Variants in CALR3 observed in about 807,000 individuals in gnomAD.
CALR3 encodes calreticulin-3.
CALR3 carries 39 observed loss-of-function variants against 48.7 expected under a neutral mutation model. That is an observed-to-expected ratio of 0.80 (90% confidence interval 0.62 to 1.05). The LOEUF (loss-of-function observed/expected upper bound fraction) is 1.05. Among genes scored for constraint, CALR3 ranks in the 50% least tolerant of loss-of-function variants. The pLI is 0.00. For synonymous variants in CALR3, 185 were observed against 172.7 expected (o/e 1.07, Z -0.56); for missense variants, 449 against 474.7 (o/e 0.95, Z 0.50).
At chr19:16,487,459 G>A (rs1240114567) in intron 3 of CALR3, among the ~76,000 whole-genome samples, 1 of 130,482 alleles carries the variant, frequency 7.7e-6, no homozygotes, top group African/African-American at 2.9e-5. Context: ...CAGCCTGGGC[G>A]ACGAGCGAAG....
At chr19:16,492,533 C>T (rs551705784) in intron 2 of CALR3, among the ~76,000 whole-genome samples, 72 of 150,864 alleles carry the variant, frequency 4.8e-4, no homozygotes, top group Non-Finnish European at 9.7e-4. Context: ...GAGTTGGAGA[C>T]CAGCCTGACC....
In CALR3 at chr19:16,481,923, T is replaced by TTTTC. The variant is rs35650345; in HGVS notation, c.918+526_918+527insGAAA. On this transcript the variant is annotated intron_variant, in intron 7 of 8. Coordinates refer to ENST00000269881, the MANE Select transcript of CALR3 (RefSeq NM_145046.5). ...CCATCTCTTTTTTTTTTTTTTTTTT[T>TTTTC]TGAGACGGAGTCTTGCTCTGTCACC... Among the ~76,000 whole-genome samples, 35 of 126,302 alleles carry TTTTC rather than the reference T, an allele frequency of 2.8e-4. 7 individuals carry two copies. The highest frequency in any genetic ancestry group is 3.1e-4 in the Non-Finnish European group (19 of 61,382). 82.9% of individuals were successfully genotyped at this position (126,302 alleles called of 152,430 possible).
In CALR3 at chr19:16,482,688, G is replaced by T; in HGVS notation, c.776C>A (p.Pro259His). Residue 259 changes from proline (P) to histidine (H), a missense_variant, in exon 6 of 9, where the codon CCC becomes CAC. Transcript: ENST00000269881. ...GDWPAPMLQK[P>H]PYQDGLKPEG... ...AAAGAGGCCACACACCTGGTACGGG[G>T]GCTTCTGGAGCATCGGCGCTGGCCA... 6.2e-7 allele frequency: 1 copy of T among 1,614,120 alleles called. No homozygotes were observed. The highest frequency in any genetic ancestry group is 1.1e-5 in the South Asian group (1 of 91,080).
chr19:16,480,267 T>G (rs1314013269), intron 8 of CALR3, among the ~76,000 whole-genome samples: 1 of 146,060 alleles, frequency 6.8e-6, no homozygotes, highest in Non-Finnish European at 1.5e-5. Context: ...TAACCTTACA[T>G]GGGGCCAGGC....
chr19:16,490,347 G>A lies in CALR3; in HGVS notation c.397+20C>T. 6.2e-7 allele frequency: 1 copy of A among 1,610,766 alleles called. No individual in the cohort carries two copies. The highest frequency in any genetic ancestry group is 1.1e-5 in the South Asian group (1 of 91,028). On this transcript the variant is annotated intron_variant, in intron 3 of 8. Transcript: ENST00000269881. ...TTTCAAAGTCACTAGAAGTGGTTGTGTTGCACCACGTAAACTCACCAAACA... is the reference window on the plus strand; with the variant it reads ...TTTCAAAGTCACTAGAAGTGGTTGTATTGCACCACGTAAACTCACCAAACA...
chr19:16,490,345 G>GT (rs1393418251), intron 3 of CALR3, 22 bp downstream of exon 3: 3 of 1,609,120 alleles, frequency 1.9e-6, no homozygotes, highest in Non-Finnish European at 2.6e-6. Flanking sequence ...AGAAGTGGTT[G>GT]TGTTGCACCA....
intron 3 of CALR3, among the ~76,000 whole-genome samples, chr19:16,487,854 C>T (rs1248278424): frequency 1.3e-5 from 2 of 150,412 alleles, no homozygotes; most frequent in African/African-American, 2.5e-5. Flanking sequence ...CACTCTGTTG[C>T]CCAGGCTGGA....
At chr19:16,479,297 T>C (rs2093376624) in intron 8 of CALR3, 23 bp from the exon 9 acceptor site, 1 of 1,613,268 alleles carries the variant, frequency 6.2e-7, no homozygotes, top group South Asian at 1.1e-5. Flanking sequence ...AGAAAAAACA[T>C]AAGCCCCACC....
At chr19:16,492,955 T>C (rs1568487985) in intron 2 of CALR3, among the ~76,000 whole-genome samples, 2 of 151,746 alleles carry the variant, frequency 1.3e-5, no homozygotes, top group South Asian at 2.1e-4. Flanking sequence ...CATTTGAACC[T>C]GGGAGGCGGA....
intron 2 of CALR3, among the ~76,000 whole-genome samples, chr19:16,492,034 G>A (rs925984696): frequency 1.3e-5 from 2 of 151,794 alleles, no homozygotes; most frequent in Non-Finnish European, 1.5e-5. Flanking sequence ...TCACCACGTT[G>A]CCCAGGCTGG....
At chr19:16,483,610 C>T (rs1004767205) in intron 5 of CALR3, among the ~76,000 whole-genome samples, 7 of 115,464 alleles carry the variant, frequency 6.1e-5, no homozygotes, top group African/African-American at 6.8e-5. Flanking sequence ...CCCAGGTATT[C>T]GGGAGGCTGA....
chr19:16,490,622 A>G, intron 2 of CALR3, 52 bp from the exon 3 acceptor site: 5 of 1,489,216 alleles, frequency 3.4e-6, no homozygotes, highest in Non-Finnish European at 4.7e-6. Context: ...GCGCTAAGTA[A>G]CGCAGGAAGT....
At chr19:16,495,947 G>A (rs1037771798) in intron 1 of CALR3, 92 bp downstream of exon 1, 11 of 1,561,504 alleles carry the variant, frequency 7.0e-6, no homozygotes, top group South Asian at 1.1e-5. Context: ...TCGAGGGTTC[G>A]CTGCCGTGGA....
intron 5 of CALR3, chr19:16,483,657 G>C: frequency 2.8e-6 from 1 of 361,654 alleles, no homozygotes; most frequent in South Asian, 2.9e-5. Context: ...GGCGGAGGTT[G>C]CCGTGAGCTG....
At chr19:16,480,475 C>T in intron 8 of CALR3, 139 bp downstream of exon 8, 1 of 661,568 alleles carries the variant, frequency 1.5e-6, no homozygotes, top group South Asian at 1.6e-5. Flanking sequence ...TCGCTTGAAC[C>T]CGGGAGGTGG....
At chr19:16,482,424 CTAAAG>C (rs1167225236) in intron 7 of CALR3, 21 bp downstream of exon 7, 1 of 1,613,838 alleles carries the variant, frequency 6.2e-7, no homozygotes, top group African/African-American at 1.3e-5. Context: ...CGCAAAAAAT[CTAAAG>C]TAAAGTTAAA....
Position 16,493,469 on chromosome 19 carries a change from A to G in CALR3, c.193+2282T>C, listed in dbSNP as rs936640886. On this transcript the variant is annotated intron_variant, in intron 2 of 8. Transcript: ENST00000269881. The stretch of plus-strand genomic sequence containing the variant: ...TCTACACTTCAGAACACTGACTTCT[A>G]TTCTTTGGGATCTGTGTTTTCCACA... 3.3e-5 allele frequency among the ~76,000 whole-genome samples: 5 copies of G among 151,550 alleles called. No individual in the cohort carries two copies. The East Asian group carries it at 5.8e-4, about 18-fold the overall frequency.
chr19:16,486,279 G>A (rs1480062479), intron 3 of CALR3, among the ~76,000 whole-genome samples: 2 of 151,258 alleles, frequency 1.3e-5, no homozygotes, highest in African/African-American at 4.9e-5. Flanking sequence ...TCGGGCCACT[G>A]TACTCCAGCC....
At chr19:16,491,544 T>C (rs2093398137) in intron 2 of CALR3, among the ~76,000 whole-genome samples, 1 of 151,040 alleles carries the variant, frequency 6.6e-6, no homozygotes, top group Non-Finnish European at 1.5e-5. Context: ...TTTGGGAGGC[T>C]GAGGCAGGCG....
Sources: allele counts gnomAD v4.1 joint callset (sites outside exome capture counted in the v4.1 genomes callset), GRCh38; gene constraint gnomAD v4.1.1; transcripts MANE v1.5; gene names NCBI Gene and HGNC (gene_info 2026-07-23, HGNC 2026-07-21).